The following HIVEP3 variants were observed in gnomAD, a reference collection of about 807,000 sequenced individuals.
HIVEP3 encodes HIVEP zinc finger 3, also known as transcription factor HIVEP3.
Under a neutral mutation model 152.8 loss-of-function variants are expected in HIVEP3, and 49 were observed. The observed-to-expected ratio is 0.32, with a 90% CI of 0.26 to 0.41. The LOEUF is 0.41. Ranked by LOEUF, HIVEP3 falls within the 10% of genes least tolerant of loss-of-function variation. HIVEP3 has a pLI of 1.00. For missense variants in HIVEP3, 2,790 were observed against 3,103.3 expected (o/e 0.90, Z 2.40); for synonymous variants, 1,269 against 1,289.0 (o/e 0.98, Z 0.33).
At chr1:41,860,449 C>T (rs1643873204) in intron 1 of HIVEP3, among the ~76,000 whole-genome samples, 1 of 152,200 alleles carries the variant, frequency 6.6e-6, no homozygotes, top group Non-Finnish European at 1.5e-5. Context: ...TTGACATAAA[C>T]ACCCTCCTAA....
chr1:41,717,014 C>CAGT (rs1438288396), intron 1 of HIVEP3, among the ~76,000 whole-genome samples: 1 of 152,226 alleles, frequency 6.6e-6, no homozygotes, highest in Non-Finnish European at 1.5e-5. Context: ...CAGGCCTCGG[C>CAGT]CTGGCAGTCT....
chr1:41,794,859 T>C (rs936585486), intron 1 of HIVEP3, among the ~76,000 whole-genome samples: 6 of 152,234 alleles, frequency 3.9e-5, no homozygotes, highest in Admixed American at 1.3e-4. Context: ...AGAGTTTCCA[T>C]ATACCCTTCA....
At chr1:41,958,757 C>A (rs1227917515) in intron 1 of HIVEP3, among the ~76,000 whole-genome samples, 1 of 152,220 alleles carries the variant, frequency 6.6e-6, no homozygotes, top group Non-Finnish European at 1.5e-5. Flanking sequence ...ACTGTTCACC[C>A]ACTTTGCATG....
chr1:41,700,889 G>A, intron 2 of HIVEP3, 27 bp downstream of exon 2: 5 of 954,798 alleles, frequency 5.2e-6, no homozygotes, highest in African/African-American at 1.8e-5. Flanking sequence ...ACTGCCCTGT[G>A]TCCTGTGGGG....
At chr1:41,529,703 C>T (rs1401254793) in intron 5 of HIVEP3, among the ~76,000 whole-genome samples, 1 of 146,878 alleles carries the variant, frequency 6.8e-6, no homozygotes, top group African/African-American at 2.5e-5. Context: ...CTTGAATACT[C>T]ATATACCCCA....
rs114467763 is a variant in HIVEP3, at chr1:41,521,161, C to T, written c.5384-2673G>A. On this transcript the variant is annotated intron_variant, in intron 6 of 8. Transcript: ENST00000372583. ...TGCAACCGTGAAGTAATACCTACCT[C>T]GTGGGGATGCGGGAGGACTTGATGA... Among the ~76,000 whole-genome samples, 354 of 152,246 alleles carry T rather than the reference C, an allele frequency of 2.3e-3. 2 individuals carry two copies. Among genetic ancestry groups the T allele is most frequent in the African/African-American group, 8.1e-3 (335 of 41,550 alleles).
intron 3 of HIVEP3, among the ~76,000 whole-genome samples, chr1:41,619,190 G>A (rs751984913): frequency 7.2e-5 from 11 of 151,996 alleles, no homozygotes; most frequent in Non-Finnish European, 1.2e-4. Flanking sequence ...CCAGCAGGCT[G>A]ATCTTGCCTC....
exon 1 of HIVEP3, chr1:42,035,895 G>C (rs994890007): frequency 3.3e-5 from 5 of 150,208 alleles, no homozygotes; most frequent in Non-Finnish European, 6.0e-5. Flanking sequence ...CCCGGGCCAC[G>C]GCATGCGAGG....
intron 1 of HIVEP3, among the ~76,000 whole-genome samples, chr1:41,771,623 T>C (rs1648375978): frequency 6.6e-6 from 1 of 152,096 alleles, no homozygotes; most frequent in South Asian, 2.1e-4. Flanking sequence ...GATTTGACTG[T>C]TGCTCTCAGG....
chr1:41,881,190 T>C (rs1644255395), intron 1 of HIVEP3, among the ~76,000 whole-genome samples: 1 of 152,212 alleles, frequency 6.6e-6, no homozygotes, highest in South Asian at 2.1e-4. Flanking sequence ...ACGAAGACCA[T>C]GAGTTGTGCA....
intron 2 of HIVEP3, among the ~76,000 whole-genome samples, chr1:41,639,988 T>C (rs1645347673): frequency 6.6e-6 from 1 of 152,164 alleles, no homozygotes; most frequent in African/African-American, 2.4e-5. Flanking sequence ...GGTGATACTT[T>C]CCATTGTATG....
At chr1:41,628,658 C>G in intron 3 of HIVEP3, 91 bp downstream of exon 3, 1 of 973,486 alleles carries the variant, frequency 1.0e-6, no homozygotes, top group Non-Finnish European at 1.3e-6. Flanking sequence ...AACAATAATA[C>G]ATTTTTCAGA....
intron 1 of HIVEP3, among the ~76,000 whole-genome samples, chr1:41,834,660 C>T (rs1643069600): frequency 6.6e-6 from 1 of 152,140 alleles, no homozygotes; most frequent in Admixed American, 6.5e-5. Flanking sequence ...CAGTGCCAGG[C>T]ACTATTTGGG....
intron 5 of HIVEP3, among the ~76,000 whole-genome samples, chr1:41,532,663 G>A (rs1394927547): frequency 6.6e-6 from 1 of 152,122 alleles, no homozygotes; most frequent in African/African-American, 2.4e-5. Context: ...GCAGGGGTCA[G>A]AACGAAGGAG....
chr1:41,997,371 T>C (rs920866567), intron 1 of HIVEP3, among the ~76,000 whole-genome samples: 1 of 152,196 alleles, frequency 6.6e-6, no homozygotes, highest in South Asian at 2.1e-4. Context: ...TTCACCCCCA[T>C]TTTTGACTCA....
chr1:41,555,775 A>C (rs1432155198), intron 5 of HIVEP3, among the ~76,000 whole-genome samples: 1 of 152,138 alleles, frequency 6.6e-6, no homozygotes, highest in Non-Finnish European at 1.5e-5. Flanking sequence ...TATCTGTTAA[A>C]CACTCACTCC....
At chr1:42,015,735 T>C (rs145865694) in intron 1 of HIVEP3, among the ~76,000 whole-genome samples, 1 of 152,248 alleles carries the variant, frequency 6.6e-6, no homozygotes, top group East Asian at 1.9e-4. Flanking sequence ...ACTATGTCAC[T>C]TGTCCCCTGA....
intron 1 of HIVEP3, among the ~76,000 whole-genome samples, chr1:41,864,823 C>T (rs183125044): frequency 4.6e-5 from 7 of 152,354 alleles, no homozygotes; most frequent in Non-Finnish European, 1.0e-4. Context: ...GAACGACCCA[C>T]TCTAATCCAA....
intron 1 of HIVEP3, among the ~76,000 whole-genome samples, chr1:41,722,468 C>CTT (rs1558211492): frequency 5.5e-5 from 8 of 146,518 alleles, no homozygotes; most frequent in East Asian, 4.1e-4. Context: ...TTCCTTCCTC[C>CTT]CCTTCCCTCT....
Sources: gnomAD v4.1 joint callset for allele counts (sites outside exome capture counted in the v4.1 genomes callset) on GRCh38, gnomAD v4.1.1 for gene constraint, MANE v1.5 for transcripts, NCBI Gene and HGNC (gene_info 2026-07-23, HGNC 2026-07-21) for gene names.